Variants in DDAH1 observed in about 807,000 individuals in gnomAD.
The protein encoded by DDAH1 is dimethylarginine dimethylaminohydrolase 1.
A neutral mutation model predicts 28.8 loss-of-function variants in DDAH1; 19 were observed. The ratio of observed to expected loss-of-function variants is 0.66; its 90% confidence interval spans 0.46 to 0.97. The LOEUF (loss-of-function observed/expected upper bound fraction) is 0.97. DDAH1 is among the 50% of genes least tolerant of loss of function. The pLI is 0.00. For missense variants in DDAH1, 326 were observed against 375.9 expected, an observed-to-expected ratio of 0.87 and a Z score of 1.10; for synonymous variants, 153 against 154.4, an observed-to-expected ratio of 0.99 and a Z score of 0.07.
chr1:85,337,436 A>C (rs1347097996), intron 4 of DDAH1, among the ~76,000 whole-genome samples: 1 of 152,084 alleles, frequency 6.6e-6, no homozygotes, highest in Non-Finnish European at 1.5e-5. Flanking sequence ...TTGTAAGGAA[A>C]TTATGTCACA....
intron 1 of DDAH1, among the ~76,000 whole-genome samples, chr1:85,375,719 C>T (rs1650628476): frequency 6.6e-6 from 1 of 152,110 alleles, no homozygotes; most frequent in Non-Finnish European, 1.5e-5. Flanking sequence ...ATTCAAAGCA[C>T]TTATTCAGTA....
chr1:85,336,578 A>G (rs1648137194), intron 4 of DDAH1, among the ~76,000 whole-genome samples: 2 of 152,210 alleles, frequency 1.3e-5, no homozygotes, highest in Non-Finnish European at 1.5e-5. Context: ...GCCAACATTA[A>G]AAAAGTAGAA....
intron 1 of DDAH1, among the ~76,000 whole-genome samples, chr1:85,496,662 T>C (rs79152048): frequency 0.019 from 2,845 of 152,346 alleles, 76 homozygotes; most frequent in African/African-American, 0.064. Flanking sequence ...TAATTTAAGA[T>C]ATTTGTAGCA....
At chr1:85,504,665 C>T (rs1656945782) in intron 1 of DDAH1, among the ~76,000 whole-genome samples, 1 of 152,126 alleles carries the variant, frequency 6.6e-6, no homozygotes. Flanking sequence ...TGATTATCAT[C>T]CTCCTCTTCT....
At chr1:85,357,026 G>T (rs1419456349) in intron 2 of DDAH1, among the ~76,000 whole-genome samples, 1 of 152,212 alleles carries the variant, frequency 6.6e-6, no homozygotes, top group Non-Finnish European at 1.5e-5. Flanking sequence ...ATATTGTAAG[G>T]AAGTGTGATT....
At chr1:85,475,709 C>A (rs551833332) in intron 2 of DDAH1, among the ~76,000 whole-genome samples, 380 of 152,244 alleles carry the variant, frequency 2.5e-3, no homozygotes, top group Non-Finnish European at 4.1e-3. Flanking sequence ...TATATCGGGA[C>A]CTGCATCATG....
rs201074691 is a variant in DDAH1 at position 85,425,321 on chromosome 1, TA to T, written c.303+39421del. ...GTAATTTTACTCAGTTTTCTTCAAA[TA>T]TTTTTTTTTATTGATCCGAATTTGT... is the stretch of plus-strand genomic sequence containing the variant. On this transcript the variant is annotated intron_variant, in intron 1 of 5. Coordinates refer to ENST00000284031, the MANE Select transcript of DDAH1 (RefSeq NM_012137.4). Among the ~76,000 whole-genome samples, 275 of 152,242 alleles carry T rather than the reference TA, an allele frequency of 1.8e-3. 9 individuals carry two copies. The East Asian group carries it at 0.044, about 24-fold the overall frequency.
intron 4 of DDAH1, among the ~76,000 whole-genome samples, chr1:85,341,440 T>C (rs556412563): frequency 6.6e-6 from 1 of 152,350 alleles, no homozygotes; most frequent in South Asian, 2.1e-4. Context: ...TAAAGCTTCT[T>C]CTAAGAAAAT....
chr1:85,390,396 A>T (rs1027697989), intron 1 of DDAH1, among the ~76,000 whole-genome samples: 8 of 152,226 alleles, frequency 5.3e-5, no homozygotes, highest in African/African-American at 1.9e-4. Flanking sequence ...TCTACAGCGT[A>T]TGTGGGGATT....
chr1:85,327,421 AT>A (rs3216612), intron 4 of DDAH1, among the ~76,000 whole-genome samples: 52,684 of 152,092 alleles, frequency 0.35, 9,236 homozygotes, highest in South Asian at 0.4. Context: ...TTAACATGTA[AT>A]CTAGTAGTGT....
intron 1 of DDAH1, among the ~76,000 whole-genome samples, chr1:85,556,533 A>AC (rs1391960573): frequency 6.6e-6 from 1 of 151,890 alleles, no homozygotes; most frequent in African/African-American, 2.4e-5. Context: ...TCACAAGACA[A>AC]CATTATCTAG....
chr1:85,549,298 A>G (rs17390740), intron 1 of DDAH1, among the ~76,000 whole-genome samples: 20,038 of 152,178 alleles, frequency 0.13, 1,628 homozygotes, highest in Admixed American at 0.23. Context: ...CTTCTAGACT[A>G]AAGGTTCTCA....
chr1:85,441,735 C>T (rs1654206917), intron 1 of DDAH1, among the ~76,000 whole-genome samples: 2 of 152,144 alleles, frequency 1.3e-5, no homozygotes, highest in African/African-American at 2.4e-5. Context: ...CTAGGCACTA[C>T]ACCAATGTTT....
At chr1:85,391,067 A>G (rs1651524775) in intron 1 of DDAH1, among the ~76,000 whole-genome samples, 1 of 152,240 alleles carries the variant, frequency 6.6e-6, no homozygotes, top group Non-Finnish European at 1.5e-5. Flanking sequence ...AAGAGCTAAT[A>G]AAAAGTTACA....
intron 2 of DDAH1, among the ~76,000 whole-genome samples, chr1:85,481,098 G>GGTT (rs1442100920): frequency 1.1e-4 from 13 of 113,470 alleles, no homozygotes; most frequent in South Asian, 2.7e-4. Flanking sequence ...TGGGTTTTTT[G>GGTT]TTTTTTTTTT....
At chr1:85,526,643 G>GT (rs758047591) in intron 1 of DDAH1, among the ~76,000 whole-genome samples, 186 of 149,410 alleles carry the variant, frequency 1.2e-3, no homozygotes, top group East Asian at 0.011. Context: ...AAGGGGCTGA[G>GT]TTGGGAAGAA....
At chr1:85,404,785 G>A (rs1379824269) in intron 1 of DDAH1, among the ~76,000 whole-genome samples, 1 of 152,098 alleles carries the variant, frequency 6.6e-6, no homozygotes, top group Non-Finnish European at 1.5e-5. Flanking sequence ...AATTACAATT[G>A]TAAGGTGAAG....
At chr1:85,550,360 G>A (rs547379181) in intron 1 of DDAH1, among the ~76,000 whole-genome samples, 14 of 152,252 alleles carry the variant, frequency 9.2e-5, no homozygotes, top group African/African-American at 3.1e-4. Context: ...ATGGAGCAGC[G>A]GTAGCATGAG....
chr1:85,439,448 C>G (rs572094207), intron 1 of DDAH1, among the ~76,000 whole-genome samples: 1 of 152,352 alleles, frequency 6.6e-6, no homozygotes, highest in East Asian at 1.9e-4. Flanking sequence ...TGCCAGGGGG[C>G]TACAAAGCTG....
Sources: allele counts gnomAD v4.1 joint callset (sites outside exome capture counted in the v4.1 genomes callset), GRCh38; gene constraint gnomAD v4.1.1; transcripts MANE v1.5; gene names NCBI Gene and HGNC (gene_info 2026-07-23, HGNC 2026-07-21).